Variants in DNAJA1 observed in about 807,000 individuals in gnomAD.
The protein encoded by DNAJA1 is dnaJ homolog subfamily A member 1.
In DNAJA1, 26 loss-of-function variants were observed where a neutral mutation model predicts 47.6. That is an observed-to-expected ratio of 0.55 (90% confidence interval 0.40 to 0.76). The LOEUF is 0.76. Among genes scored for constraint, DNAJA1 ranks in the 30% least tolerant of loss-of-function variants. The pLI, the probability that DNAJA1 is intolerant of heterozygous loss-of-function variation, is 0.00. For synonymous variants in DNAJA1, 165 were observed against 158.4 expected (o/e 1.04, Z -0.31); for missense variants, 315 against 485.0 (o/e 0.65, Z 3.29).
chr9:33,030,393 T>A, intron 4 of DNAJA1, 47 bp from the exon 5 acceptor site: 1 of 1,543,074 alleles, frequency 6.5e-7, no homozygotes, highest in South Asian at 1.2e-5. Flanking sequence ...TTTACTACTG[T>A]ATACACTACT....
chr9:33,036,754 A>G (rs1332354561), intron 7 of DNAJA1, 65 bp downstream of exon 7: 3 of 1,265,888 alleles, frequency 2.4e-6, no homozygotes, highest in African/African-American at 3.0e-5. Flanking sequence ...TCTCCTGTTA[A>G]CAAAGTGTAG....
chr9:33,027,002 C>G lies in DNAJA1; in HGVS notation c.310+12C>G. 1 of 1,613,916 alleles carries G rather than the reference C, an allele frequency of 6.2e-7. No individual in the cohort carries two copies. The highest frequency in any genetic ancestry group is 8.5e-7 in the Non-Finnish European group (1 of 1,179,966). On this transcript the variant is annotated intron_variant, in intron 3 of 8. Coordinates refer to ENST00000330899, the MANE Select transcript of DNAJA1 (RefSeq NM_001539.4). ...GAGAGAAAGGAGAGGTAAGAAGAAT[C>G]TAGTCTTTGTGCAGCTAACTAAAGT...
At chr9:33,026,659 C>T in intron 2 of DNAJA1, 43 bp downstream of exon 2, 1 of 1,580,662 alleles carries the variant, frequency 6.3e-7, no homozygotes, top group Non-Finnish European at 8.6e-7. Context: ...TAGTTCTTTG[C>T]CAGACGTATA....
intron 6 of DNAJA1, among the ~76,000 whole-genome samples, chr9:33,034,802 A>G (rs1839009534): frequency 6.6e-6 from 1 of 152,236 alleles, no homozygotes; most frequent in African/African-American, 2.4e-5. Flanking sequence ...TATGATGAAC[A>G]CTGAAGCACA....
At position 33,036,587 on chromosome 9, in the gene DNAJA1, C is replaced by A. The variant is rs777454073; in HGVS notation, c.772C>A (p.Leu258Ile). The change falls in exon 7 of 9, where the codon CTT becomes ATT. Residue 258 changes from leucine (L) to isoleucine (I), a missense_variant. Around this residue, in one of 4 missense-constraint regions of DNAJA1, gnomAD observed 162 missense variants for 185.4 expected, o/e 0.87. Coordinates refer to ENST00000330899, the MANE Select transcript of DNAJA1 (RefSeq NM_001539.4). ...TATTTTATGCAGACGAGGAGAAGAC[C>A]TTTTCATGTGTATGGACATACAGCT... is the stretch of plus-strand genomic sequence containing the variant. ...HAVFTRRGED[L>I]FMCMDIQLVE... is the part of the protein sequence containing the mutation. 2.7e-5 allele frequency: 44 copies of A among 1,608,986 alleles called. 1 individual carries two copies. In the Admixed American group the frequency reaches 5.1e-4, roughly 19 times the overall value.
Position 33,034,336 on chromosome 9 carries a change from GACTTT to G in DNAJA1, c.758+7_758+11del. The G allele has an allele frequency of 5.6e-6, 9 of 1,596,116 alleles. No homozygotes were observed. The highest frequency in any genetic ancestry group is 7.7e-6 in the Non-Finnish European group (9 of 1,172,034). On this transcript the variant is annotated splice_region_variant and intron_variant, in intron 6 of 8. Transcript: ENST00000330899. ...GACCATGCTGTTTTTACTCGGTAAA[GACTTT>G]TATCAACCACTCAAATTGATATCAC...
At chr9:33,029,487 T>C (rs879212381) in intron 3 of DNAJA1, among the ~76,000 whole-genome samples, 4 of 152,254 alleles carry the variant, frequency 2.6e-5, no homozygotes, top group Non-Finnish European at 5.9e-5. Context: ...TAATTGGCCA[T>C]GTTGCTCAAT....
chr9:33,036,784 C>A, intron 7 of DNAJA1, 95 bp downstream of exon 7: 1 of 929,728 alleles, frequency 1.1e-6, no homozygotes, highest in Non-Finnish European at 1.6e-6. Flanking sequence ...TGAGGGAAAC[C>A]CATTGTTTTT....
At chr9:33,027,710 C>T (rs1030994823) in intron 3 of DNAJA1, among the ~76,000 whole-genome samples, 15 of 151,874 alleles carry the variant, frequency 9.9e-5, no homozygotes, top group African/African-American at 3.6e-4. Flanking sequence ...ATTAGCTGGG[C>T]GTGGTGGTGG....
intron 5 of DNAJA1, among the ~76,000 whole-genome samples, chr9:33,032,600 A>G (rs892612230): frequency 7.2e-5 from 11 of 152,242 alleles, no homozygotes; most frequent in African/African-American, 2.2e-4. Flanking sequence ...TGCCCTAACT[A>G]TATAGCAAGT....
chr9:33,029,786 C>T (rs563312778), intron 3 of DNAJA1, 99 bp from the exon 4 acceptor site: 1 of 913,846 alleles, frequency 1.1e-6, no homozygotes, highest in African/African-American at 1.7e-5. Context: ...CTGTGAGGCT[C>T]ATCTTTTATT....
intron 5 of DNAJA1, 38 bp downstream of exon 5, chr9:33,030,705 T>C (rs1838947509): frequency 4.0e-6 from 6 of 1,497,902 alleles, no homozygotes; most frequent in Non-Finnish European, 4.6e-6. Context: ...TCTTGAATGC[T>C]GTGGCAGATT....
chr9:33,029,835 T>C (rs770004997), intron 3 of DNAJA1, 50 bp from the exon 4 acceptor site: 1 of 1,476,794 alleles, frequency 6.8e-7, no homozygotes, highest in Non-Finnish European at 9.3e-7. Context: ...TTAGCACAAA[T>C]AAGATCCAGC....
chr9:33,035,472 T>C (rs1372532169), intron 6 of DNAJA1, among the ~76,000 whole-genome samples: 1 of 150,780 alleles, frequency 6.6e-6, no homozygotes, highest in African/African-American at 2.4e-5. Flanking sequence ...TTTTATTTAT[T>C]TATTTATTTT....
At chr9:33,025,433 G>A (rs1587693581) in intron 1 of DNAJA1, 50 bp downstream of exon 1, 2 of 152,544 alleles carry the variant, frequency 1.3e-5, no homozygotes, top group South Asian at 4.1e-4. Flanking sequence ...GGCGCCATTG[G>A]CGCCGGGAAA....
intron 1 of DNAJA1, among the ~76,000 whole-genome samples, chr9:33,025,874 G>A (rs1838824006): frequency 1.3e-5 from 2 of 152,200 alleles, no homozygotes; most frequent in African/African-American, 4.8e-5. Context: ...AGGGTGGGAG[G>A]GAGAAAGGAA....
chr9:33,026,378 T>C (rs923742315), intron 1 of DNAJA1, 97 bp from the exon 2 acceptor site: 56 of 1,349,418 alleles, frequency 4.1e-5, no homozygotes, highest in Non-Finnish European at 4.5e-5. Context: ...GGTGTTCTTA[T>C]AATCGGATTT....
At chr9:33,030,089 T>C (rs10971343) in intron 4 of DNAJA1, 100 bp downstream of exon 4, 109,512 of 1,155,392 alleles carry the variant, frequency 0.095, 5,897 homozygotes, top group Non-Finnish European at 0.11. Context: ...GTAAAATTGA[T>C]TCATGTACAC....
intron 6 of DNAJA1, among the ~76,000 whole-genome samples, chr9:33,035,036 CCTT>C (rs536578094): frequency 7.5e-6 from 1 of 133,504 alleles, no homozygotes; most frequent in South Asian, 2.3e-4. Flanking sequence ...TAAGAACCCA[CCTT>C]TTTTTTTTTT....
Sources: gnomAD v4.1 joint callset for allele counts (sites outside exome capture counted in the v4.1 genomes callset) on GRCh38, gnomAD v4.1.1 for gene constraint, gnomAD v4.1.1 regional missense constraint, MANE v1.5 for transcripts, NCBI Gene and HGNC (gene_info 2026-07-23, HGNC 2026-07-21) for gene names.